Variants in NRCAM observed in about 807,000 individuals in gnomAD.
NRCAM encodes the protein NgCAM-related cell adhesion molecule.
Under a neutral mutation model 156.5 loss-of-function variants are expected in NRCAM, and 83 were observed. The ratio of observed to expected loss-of-function variants is 0.53; its 90% CI spans 0.44 to 0.64. The LOEUF is 0.64. NRCAM is among the 30% of genes least tolerant of loss of function. NRCAM has a pLI of 0.00. For synonymous variants in NRCAM, 538 were observed against 563.9 expected, an observed-to-expected ratio of 0.95 and a Z score of 0.65; for missense variants, 1,417 against 1,597.3, an observed-to-expected ratio of 0.89 and a Z score of 1.92.
At chr7:108,167,404 C>G (rs2055213719) in intron 29 of NRCAM, among the ~76,000 whole-genome samples, 1 of 152,188 alleles carries the variant, frequency 6.6e-6, no homozygotes, top group South Asian at 2.1e-4. Context: ...AAAGATGTTT[C>G]TCAAAAGAAC....
chr7:108,194,205 A>G (rs1284910550), intron 16 of NRCAM, 34 bp from the exon 17 acceptor site: 1 of 1,611,730 alleles, frequency 6.2e-7, no homozygotes, highest in Non-Finnish European at 8.5e-7. Context: ...CCATTTGGCA[A>G]AGCTGGAGAA....
chr7:108,273,882 C>A (rs2097481781), intron 3 of NRCAM, among the ~76,000 whole-genome samples: 1 of 152,184 alleles, frequency 6.6e-6, no homozygotes, highest in African/African-American at 2.4e-5. Context: ...TTGGGCCTAA[C>A]ATTTAAATCT....
intron 1 of NRCAM, among the ~76,000 whole-genome samples, chr7:108,403,278 C>G (rs1453452392): frequency 6.6e-6 from 1 of 152,134 alleles, no homozygotes; most frequent in East Asian, 1.9e-4. Flanking sequence ...TTATCCCAAC[C>G]TGCTAAAAAC....
At chr7:108,430,359 C>T (rs1455810225) in intron 1 of NRCAM, among the ~76,000 whole-genome samples, 2 of 152,176 alleles carry the variant, frequency 1.3e-5, no homozygotes, top group East Asian at 1.9e-4. Flanking sequence ...TGGCTTGATC[C>T]GGGATAGAAC....
At chr7:108,329,178 T>C (rs17418660) in intron 2 of NRCAM, among the ~76,000 whole-genome samples, 37,960 of 152,126 alleles carry the variant, frequency 0.25, 5,262 homozygotes, top group Non-Finnish European at 0.3. Context: ...TATTCACCCA[T>C]CCAAGCTGTA....
At chr7:108,395,151 T>C (rs2099773288) in intron 2 of NRCAM, among the ~76,000 whole-genome samples, 1 of 152,202 alleles carries the variant, frequency 6.6e-6, no homozygotes, top group Non-Finnish European at 1.5e-5. Context: ...TTAATCCATA[T>C]TATGCTGCCT....
In NRCAM at chr7:108,349,818, G is replaced by T. The variant is rs77375416; in HGVS notation, c.-173-37087C>A. Among the ~76,000 whole-genome samples, 532 of 152,108 alleles carry T rather than the reference G, an allele frequency of 3.5e-3. 6 individuals are homozygous for T. The highest frequency in any genetic ancestry group is 0.03 in the East Asian group (157 of 5,178). ...TTGTTTCCACCCTTATCCCTACACCGAGGTCATAGCGATCATTTAAAACAG... is the reference window on the plus strand; with the variant it reads ...TTGTTTCCACCCTTATCCCTACACCTAGGTCATAGCGATCATTTAAAACAG... On this transcript the variant is annotated intron_variant, in intron 2 of 32. Coordinates refer to ENST00000379028, the MANE Select transcript of NRCAM (RefSeq NM_001037132.4).
chr7:108,282,689 G>T (rs2097905152), intron 3 of NRCAM, among the ~76,000 whole-genome samples: 1 of 149,480 alleles, frequency 6.7e-6, no homozygotes, highest in Non-Finnish European at 1.5e-5. Context: ...ATCCTTTGCG[G>T]ATTGTTCTCT....
At chr7:108,311,395 GGA>G (rs2098801125) in intron 3 of NRCAM, among the ~76,000 whole-genome samples, 1 of 150,520 alleles carries the variant, frequency 6.6e-6, no homozygotes, top group African/African-American at 2.4e-5. Context: ...CACTTGTAGA[GGA>G]GAGGGGTACA....
intron 2 of NRCAM, among the ~76,000 whole-genome samples, chr7:108,356,679 T>C (rs1031495008): frequency 2.6e-5 from 4 of 152,194 alleles, no homozygotes; most frequent in Admixed American, 2.0e-4. Flanking sequence ...GTGGCTTGAC[T>C]TATATTAGTT....
At chr7:108,346,094 G>A (rs967196705) in intron 2 of NRCAM, among the ~76,000 whole-genome samples, 3 of 152,208 alleles carry the variant, frequency 2.0e-5, no homozygotes, top group Non-Finnish European at 4.4e-5. Context: ...GCTCAGGTAA[G>A]AAATTATGCA....
rs773400768 is a variant in NRCAM, at chr7:108,184,508, G to A, written c.2142C>T (p.Tyr714=). 21 of 1,614,150 alleles carry A rather than the reference G, an allele frequency of 1.3e-5. No individual in the cohort carries two copies. The highest frequency in any genetic ancestry group is 1.2e-4 in the Admixed American group (7 of 60,016). ...QTTAQLKLSP[Y]VNYSFRVMAV... is the part of the protein sequence containing the mutation. ...CCATCACGCGGAAGGAGTAGTTCAC[G>A]TAAGGAGACAGCTTCAGCTGGGCTG... Residue 714 remains tyrosine, a synonymous_variant, in exon 21 of 33, where the codon TAC becomes TAT. Coordinates refer to ENST00000379028, the MANE Select transcript of NRCAM (RefSeq NM_001037132.4).
At chr7:108,306,652 T>C (rs1231664715) in intron 3 of NRCAM, among the ~76,000 whole-genome samples, 4 of 152,184 alleles carry the variant, frequency 2.6e-5, no homozygotes, top group African/African-American at 9.7e-5. Flanking sequence ...ATTAGTTAGG[T>C]AGAACCACAT....
chr7:108,173,577 C>T (rs1180792233), intron 28 of NRCAM, among the ~76,000 whole-genome samples: 1 of 152,134 alleles, frequency 6.6e-6, no homozygotes, highest in Non-Finnish European at 1.5e-5. Context: ...TAAAGTCTTA[C>T]TGGCAAAATA....
At chr7:108,167,216 T>A in intron 29 of NRCAM, 143 bp from the exon 30 acceptor site, 2 of 622,258 alleles carry the variant, frequency 3.2e-6, no homozygotes, top group African/African-American at 1.8e-5. Flanking sequence ...ATTATAAATG[T>A]AGTCATGTCA....
In NRCAM at chr7:108,339,728, A is replaced by G. The variant is rs112298905; in HGVS notation, c.-173-26997T>C. Among the ~76,000 whole-genome samples, 870 of 152,296 alleles carry G rather than the reference A, an allele frequency of 5.7e-3. 9 individuals carry two copies. The highest frequency in any genetic ancestry group is 0.02 in the African/African-American group (829 of 41,546). On this transcript the variant is annotated intron_variant, in intron 2 of 32. Transcript: ENST00000379028. ...CTGGAAAGGAATAAGCATTAGGACC[A>G]TAGAGGACGCTCTACGACTAATGCT...
intron 1 of NRCAM, among the ~76,000 whole-genome samples, chr7:108,401,963 G>T (rs1463896130): frequency 6.6e-6 from 1 of 152,190 alleles, no homozygotes; most frequent in African/African-American, 2.4e-5. Flanking sequence ...TTTCTGTTGA[G>T]AGAGAATTAA....
intron 2 of NRCAM, among the ~76,000 whole-genome samples, chr7:108,366,797 C>G (rs1216585095): frequency 1.3e-5 from 2 of 152,194 alleles, no homozygotes; most frequent in Non-Finnish European, 2.9e-5. Context: ...CCAGATATAT[C>G]TGAGTCCAAC....
intron 28 of NRCAM, among the ~76,000 whole-genome samples, chr7:108,168,888 T>A (rs1291485663): frequency 6.6e-6 from 1 of 152,188 alleles, no homozygotes; most frequent in African/African-American, 2.4e-5. Context: ...AATGCCCCTT[T>A]GAACAGCGTT....
Sources: allele counts gnomAD v4.1 joint callset (sites outside exome capture counted in the v4.1 genomes callset), GRCh38; gene constraint gnomAD v4.1.1; transcripts MANE v1.5; gene names NCBI Gene and HGNC (gene_info 2026-07-23, HGNC 2026-07-21).